DNAH7: variants seen among roughly 807,000 people sequenced by gnomAD.
DNAH7 encodes the protein axonemal beta dynein heavy chain 7.
In DNAH7, 397 loss-of-function variants were observed where a neutral mutation model predicts 444.6. The ratio of observed to expected loss-of-function variants is 0.89; its 90% confidence interval spans 0.82 to 0.97. DNAH7 has a LOEUF of 0.97. Ranked by LOEUF, DNAH7 falls within the 50% of genes least tolerant of loss-of-function variation. The pLI is 0.00. For missense variants in DNAH7, 4,902 were observed against 4,800.8 expected (o/e 1.02, Z -0.62); for synonymous variants, 1,636 against 1,624.4 (o/e 1.01, Z -0.17).
At chr2:196,010,152 T>TC (rs981675337) in intron 10 of DNAH7, among the ~76,000 whole-genome samples, 40 of 136,466 alleles carry the variant, frequency 2.9e-4, no homozygotes, top group South Asian at 1.6e-3. Flanking sequence ...TTTCTCTCTC[T>TC]TTTTTTTTTT....
At chr2:195,988,486 A>G (rs1038708) in intron 12 of DNAH7, among the ~76,000 whole-genome samples, 5,458 of 152,178 alleles carry the variant, frequency 0.036, 313 homozygotes, top group African/African-American at 0.12. Flanking sequence ...AAGAACAGTC[A>G]ATTGAAAATA....
chr2:196,030,130 T>C (rs1695955842), intron 5 of DNAH7, among the ~76,000 whole-genome samples: 1 of 152,224 alleles, frequency 6.6e-6, no homozygotes, highest in Non-Finnish European at 1.5e-5. Flanking sequence ...TTTAATGGAC[T>C]TACAGTTCCA....
At chr2:195,857,054 A>G (rs1484617593) in intron 44 of DNAH7, among the ~76,000 whole-genome samples, 1 of 152,138 alleles carries the variant, frequency 6.6e-6, no homozygotes, top group Non-Finnish European at 1.5e-5. Context: ...TAACATTTTT[A>G]TTGCTTTTTA....
Position 195,857,564 on chromosome 2 carries a change from G to T in DNAH7, c.8227C>A (p.Leu2743Ile). 1 of 1,613,924 alleles carries T rather than the reference G, an allele frequency of 6.2e-7. No individual in the cohort carries two copies. The highest frequency in any genetic ancestry group is 8.5e-7 in the Non-Finnish European group (1 of 1,179,940). ...GACTGCAGAAACCTCATGTCACCAA[G>T]AAGTCTCTTAGCTGGGCCCCAGAAA... The part of the protein sequence containing the change: ...EDFWGPAKRL[L>I]GDMRFLQSLH... Residue 2743 changes from leucine to isoleucine, a missense_variant, in exon 44 of 65, where the codon CTT becomes ATT. Leu to Ile is a conservative substitution (Grantham distance 5). Transcript: ENST00000312428.
chr2:195,994,241 G>C (rs571813057), intron 12 of DNAH7: 1 of 334,076 alleles, frequency 3.0e-6, no homozygotes, highest in East Asian at 7.3e-5. Context: ...TGCACATGAA[G>C]CATAATCAAC....
chr2:195,971,106 A>T (rs1691809200), intron 16 of DNAH7, among the ~76,000 whole-genome samples: 1 of 152,254 alleles, frequency 6.6e-6, no homozygotes, highest in South Asian at 2.1e-4. Flanking sequence ...CTACAGTTTA[A>T]AATGAAGAGT....
At chr2:196,013,972 C>T (rs1429792554) in intron 9 of DNAH7, among the ~76,000 whole-genome samples, 1 of 152,152 alleles carries the variant, frequency 6.6e-6, no homozygotes, top group Non-Finnish European at 1.5e-5. Context: ...AGCCACCAGA[C>T]CAATTTTCCT....
intron 21 of DNAH7, among the ~76,000 whole-genome samples, chr2:195,933,385 C>A (rs568846995): frequency 6.6e-6 from 1 of 152,272 alleles, no homozygotes; most frequent in African/African-American, 2.4e-5. Flanking sequence ...TTGACCCAGC[C>A]ATCCCATTAC....
chr2:195,890,426 T>TA (rs1246096336), intron 31 of DNAH7, among the ~76,000 whole-genome samples: 1 of 152,232 alleles, frequency 6.6e-6, no homozygotes, highest in Non-Finnish European at 1.5e-5. Context: ...GTGAACTACT[T>TA]AAACTCCCTG....
chr2:195,884,758 C>T lies in DNAH7; in HGVS notation c.5590G>A (p.Asp1864Asn). The T allele has an allele frequency of 6.2e-7, 1 of 1,613,994 alleles. No individual in the cohort carries two copies. The highest frequency in any genetic ancestry group is 8.5e-7 in the Non-Finnish European group (1 of 1,180,000). Residue 1864 changes from aspartate to asparagine, a missense_variant, in exon 35 of 65, where the codon GAT (aspartate) becomes AAT (asparagine). Physicochemically the swap from Asp to Asn is conservative, Grantham distance 23 (BLOSUM62 1). Transcript: ENST00000312428. ...ATCTTATTAAATTTCAATCGATCAT[C>T]ATCTGTACAAGAAGCACCAACGGAC... ...IWSVGASCTD[D>N]DRLKFNKILR... is the part of the protein sequence containing the mutation.
chr2:195,777,672 T>C, intron 59 of DNAH7, 128 bp downstream of exon 59: 1 of 933,850 alleles, frequency 1.1e-6, no homozygotes, highest in Non-Finnish European at 1.6e-6. Context: ...CCTATATGAC[T>C]GAAGAAAGCA....
At chr2:195,907,850 C>T (rs1687125014) in intron 25 of DNAH7, among the ~76,000 whole-genome samples, 1 of 152,038 alleles carries the variant, frequency 6.6e-6, no homozygotes, top group South Asian at 2.1e-4. Flanking sequence ...AAGAATAGTA[C>T]ATTCTCATTA....
intron 46 of DNAH7, among the ~76,000 whole-genome samples, chr2:195,845,962 G>C (rs1698967159): frequency 6.6e-6 from 1 of 152,140 alleles, no homozygotes; most frequent in African/African-American, 2.4e-5. Context: ...AGATTAAATG[G>C]CAAGGATGCC....
chr2:195,770,773 G>T (rs1694797243), intron 61 of DNAH7, among the ~76,000 whole-genome samples: 1 of 151,936 alleles, frequency 6.6e-6, no homozygotes, highest in Admixed American at 6.6e-5. Context: ...GCCTGGGCTG[G>T]GTAGGATCGT....
chr2:196,024,142 T>G (rs909711816), intron 8 of DNAH7, among the ~76,000 whole-genome samples: 5 of 151,958 alleles, frequency 3.3e-5, no homozygotes, highest in African/African-American at 1.2e-4. Context: ...AGACACAAAG[T>G]GAGCACACAC....
intron 54 of DNAH7, among the ~76,000 whole-genome samples, chr2:195,801,172 C>T (rs558844227): frequency 6.6e-6 from 1 of 152,240 alleles, no homozygotes; most frequent in South Asian, 2.1e-4. Context: ...AATCTCTCTT[C>T]TTTATAAGTG....
intron 51 of DNAH7, among the ~76,000 whole-genome samples, chr2:195,812,508 C>T (rs1697016393): frequency 6.6e-6 from 1 of 152,052 alleles, no homozygotes; most frequent in South Asian, 2.1e-4. Context: ...ATTTTGCTTG[C>T]TACATAAAGT....
intron 44 of DNAH7, 86 bp downstream of exon 44, chr2:195,857,291 T>C: frequency 8.2e-7 from 1 of 1,212,748 alleles, no homozygotes; most frequent in Non-Finnish European, 1.1e-6. Context: ...GCCTCTCACT[T>C]ACATAACTTT....
intron 5 of DNAH7, among the ~76,000 whole-genome samples, chr2:196,033,097 G>C (rs1696162096): frequency 6.6e-6 from 1 of 152,048 alleles, no homozygotes; most frequent in African/African-American, 2.4e-5. Flanking sequence ...GAAAGGAAAT[G>C]ATAAAAGATA....
Sources: gnomAD v4.1 joint callset for allele counts (sites outside exome capture counted in the v4.1 genomes callset) on GRCh38, gnomAD v4.1.1 for gene constraint, MANE v1.5 for transcripts, NCBI Gene and HGNC (gene_info 2026-07-23, HGNC 2026-07-21) for gene names.